SPMIP11: variants seen among roughly 807,000 people sequenced by gnomAD.
The protein encoded by SPMIP11 is long intergenic non-protein coding RNA 935.
the SPMIP11 span, chr12:48,769,143 A>AAAG: frequency 7.3e-7 from 1 of 1,366,520 alleles, no homozygotes; most frequent in Non-Finnish European, 9.7e-7. Flanking sequence ...GCACTGGTAG[A>AAAG]AGGACCCAGA....
At chr12:48,734,381 G>T in the SPMIP11 span, among the ~76,000 whole-genome samples, 1 of 152,164 alleles carries the variant, frequency 6.6e-6, no homozygotes, top group Non-Finnish European at 1.5e-5. Flanking sequence ...AAAGTTCTGG[G>T]ATTACAGGAG....
At chr12:48,738,539 CTT>C in the SPMIP11 span, among the ~76,000 whole-genome samples, 42 of 142,932 alleles carry the variant, frequency 2.9e-4, no homozygotes, top group East Asian at 1.3e-3. Flanking sequence ...TCTTTTTTTT[CTT>C]TTTTTTTTTT....
the SPMIP11 span, among the ~76,000 whole-genome samples, chr12:48,738,510 T>C: frequency 1.6e-4 from 24 of 151,544 alleles, no homozygotes; most frequent in Admixed American, 9.3e-4. Flanking sequence ...AGTATTCTTA[T>C]ATGGCACCTA....
the SPMIP11 span, among the ~76,000 whole-genome samples, chr12:48,743,023 C>T: frequency 9.9e-5 from 15 of 151,922 alleles, no homozygotes; most frequent in South Asian, 2.9e-3. Context: ...TGAGGTGGGC[C>T]AATTGCTTGA....
the SPMIP11 span, among the ~76,000 whole-genome samples, chr12:48,756,771 C>CTTTCTTTTTTTTTTT: frequency 9.2e-6 from 1 of 108,648 alleles, no homozygotes; most frequent in Non-Finnish European, 2.4e-5. Context: ...ATTTTTTTTT[C>CTTTCTTTTTTTTTTT]TTTTTTTCTT....
the SPMIP11 span, among the ~76,000 whole-genome samples, chr12:48,747,803 G>A: frequency 1.3e-5 from 2 of 152,314 alleles, no homozygotes; most frequent in African/African-American, 2.4e-5. Flanking sequence ...TGAAGTCTGT[G>A]CTCACATGGC....
the SPMIP11 span, among the ~76,000 whole-genome samples, chr12:48,737,677 A>C: frequency 0.021 from 3,180 of 152,176 alleles, 132 homozygotes; most frequent in African/African-American, 0.072. Context: ...GGCCTCCCAA[A>C]GTGCTGGGAT....
At chr12:48,769,782 G>A in the SPMIP11 span, among the ~76,000 whole-genome samples, 2 of 146,398 alleles carry the variant, frequency 1.4e-5, no homozygotes, top group African/African-American at 2.5e-5. Context: ...TTTTGGGGGG[G>A]ACAGAGTCTC....
At chr12:48,743,933 CAAAAAAAAAAAAAA>C in the SPMIP11 span, among the ~76,000 whole-genome samples, 1 of 34,890 alleles carries the variant, frequency 2.9e-5, no homozygotes, top group African/African-American at 1.1e-4. Flanking sequence ...GACTTCGTCT[CAAAAAAAAAAAAAA>C]AAAAAAAAAA....
chr12:48,770,708 C>A, the SPMIP11 span: 3 of 1,559,574 alleles, frequency 1.9e-6, no homozygotes, highest in Non-Finnish European at 2.6e-6. Context: ...AGCCTATAAT[C>A]CCAGCTTCAC....
At chr12:48,731,889 C>T in the SPMIP11 span, among the ~76,000 whole-genome samples, 1 of 152,150 alleles carries the variant, frequency 6.6e-6, no homozygotes, top group Admixed American at 6.6e-5. Context: ...TGGCTCACAA[C>T]TGTAATCCCA....
the SPMIP11 span, among the ~76,000 whole-genome samples, chr12:48,744,143 G>C: frequency 6.6e-6 from 1 of 151,392 alleles, no homozygotes; most frequent in Admixed American, 6.6e-5. Context: ...AGCTACTCAG[G>C]AGGCCGAGGC....
chr12:48,768,842 T>C, the SPMIP11 span: 1 of 1,548,152 alleles, frequency 6.5e-7, no homozygotes, highest in Non-Finnish European at 8.8e-7. Flanking sequence ...CACAGAACAC[T>C]AGCCACCCTA....
At chr12:48,739,817 C>A in the SPMIP11 span, among the ~76,000 whole-genome samples, 4 of 152,258 alleles carry the variant, frequency 2.6e-5, no homozygotes, top group Middle Eastern at 6.8e-3. Flanking sequence ...GATTACAATT[C>A]GACACGAGGT....
chr12:48,729,748 C>T, the SPMIP11 span, among the ~76,000 whole-genome samples: 1 of 150,138 alleles, frequency 6.7e-6, no homozygotes, highest in Non-Finnish European at 1.5e-5. Context: ...AACAATCTTA[C>T]ACAGGCCTCC....
the SPMIP11 span, chr12:48,768,819 C>G: frequency 6.4e-7 from 1 of 1,554,898 alleles, no homozygotes. Context: ...CCCCCAGTCC[C>G]TGCCCCACCA....
the SPMIP11 span, among the ~76,000 whole-genome samples, chr12:48,769,793 G>A: frequency 6.4e-5 from 9 of 140,210 alleles, no homozygotes; most frequent in Non-Finnish European, 9.1e-5. Flanking sequence ...ACAGAGTCTC[G>A]CTCTGTCACC....
chr12:48,737,808 A>C, the SPMIP11 span, among the ~76,000 whole-genome samples: 1 of 151,592 alleles, frequency 6.6e-6, no homozygotes, highest in Non-Finnish European at 1.5e-5. Flanking sequence ...ATTAATCTTG[A>C]TATTATTATC....
At chr12:48,733,764 CTTTTTTT>C in the SPMIP11 span, among the ~76,000 whole-genome samples, 170 of 82,900 alleles carry the variant, frequency 2.1e-3, no homozygotes, top group Middle Eastern at 0.024. Context: ...AATGCAGATT[CTTTTTTT>C]TTTTTTTTTT....
Sources: allele counts gnomAD v4.1 joint callset (sites outside exome capture counted in the v4.1 genomes callset), GRCh38; gene constraint gnomAD v4.1.1; transcripts MANE v1.5; gene names NCBI Gene and HGNC (gene_info 2026-07-23, HGNC 2026-07-21).